Variants in IL1RAPL1 observed in about 807,000 individuals in gnomAD.
The protein encoded by IL1RAPL1 is interleukin-1 receptor accessory protein-like 1.
In IL1RAPL1, 3 loss-of-function variants were observed where a neutral mutation model predicts 48.4. The ratio of observed to expected loss-of-function variants is 0.06; its 90% confidence interval spans 0.03 to 0.16. The LOEUF (loss-of-function observed/expected upper bound fraction) is 0.16, where lower values mean the gene tolerates loss of function less well. Ranked by LOEUF, IL1RAPL1 falls within the 10% of genes least tolerant of loss-of-function variation. IL1RAPL1 has a pLI of 1.00. For missense variants in IL1RAPL1, 349 were observed against 530.6 expected (o/e 0.66, Z 3.36); for synonymous variants, 185 against 187.7 (o/e 0.99, Z 0.12).
At chrX:28,822,993 G>C (rs1936953476) in intron 2 of IL1RAPL1, among the ~76,000 whole-genome samples, 1 of 111,397 alleles carries the variant, frequency 9.0e-6, no homozygotes, top group African/African-American at 3.3e-5. Context: ...GAGTTTCCCA[G>C]AATTCCATAG....
intron 1 of IL1RAPL1, among the ~76,000 whole-genome samples, chrX:28,771,184 A>G (rs1382369617): frequency 8.9e-6 from 1 of 111,750 alleles, no homozygotes; most frequent in Non-Finnish European, 1.9e-5. Context: ...TGAGAGGCCA[A>G]TAGAAGTTTC....
intron 2 of IL1RAPL1, among the ~76,000 whole-genome samples, chrX:29,006,647 A>ATATGTGTG (rs1274128284): frequency 1.6e-3 from 125 of 76,919 alleles, no homozygotes; most frequent in Middle Eastern, 0.013. Flanking sequence ...GTTTATATAT[A>ATATGTGTG]TGTGTGTGTG....
chrX:29,155,648 C>T (rs1303719437), intron 2 of IL1RAPL1, among the ~76,000 whole-genome samples: 1 of 111,858 alleles, frequency 8.9e-6, no homozygotes, highest in Non-Finnish European at 1.9e-5. Flanking sequence ...GGATAGAACT[C>T]TCTCTCACTG....
At chrX:29,935,069 T>C (rs1331167858) in intron 8 of IL1RAPL1, among the ~76,000 whole-genome samples, 4 of 111,074 alleles carry the variant, frequency 3.6e-5, no homozygotes, top group African/African-American at 1.3e-4. Context: ...TGTCCCTCAG[T>C]TTGGATTGGC....
At chrX:29,320,472 G>A (rs1932796161) in intron 3 of IL1RAPL1, among the ~76,000 whole-genome samples, 2 of 111,913 alleles carry the variant, frequency 1.8e-5, no homozygotes, top group Non-Finnish European at 3.8e-5. Flanking sequence ...TTCCAAAATA[G>A]TGTTATAAGA....
At position 28,948,159 on chromosome X, in the gene IL1RAPL1, CCTT is replaced by C. The variant is rs200776802; in HGVS notation, c.82+158739_82+158741del. Reference sequence around the variant, plus strand: ...GAAGACAGCTGTAGAATTCATAATGCCTTCTTCAGTTCAAAAAATGAAAAATTT... The same window carrying C: ...GAAGACAGCTGTAGAATTCATAATGCCTTCAGTTCAAAAAATGAAAAATTT... On this transcript the variant is annotated intron_variant, in intron 2 of 10. Coordinates refer to ENST00000378993, the MANE Select transcript of IL1RAPL1 (RefSeq NM_014271.4). Among the ~76,000 whole-genome samples, 829 of 111,305 alleles carry C rather than the reference CCTT, an allele frequency of 7.4e-3. 7 individuals carry two copies. Among genetic ancestry groups the C allele is most frequent in the African/African-American group, 0.025 (754 of 30,717 alleles).
intron 6 of IL1RAPL1, among the ~76,000 whole-genome samples, chrX:29,853,043 T>G (rs1225299347): frequency 2.7e-5 from 3 of 110,674 alleles, no homozygotes; most frequent in African/African-American, 9.9e-5. Context: ...GATAAGAAAC[T>G]GTTTCATGCA....
At chrX:29,006,645 A>ATGTGTG (rs1399219653) in intron 2 of IL1RAPL1, among the ~76,000 whole-genome samples, 50 of 80,060 alleles carry the variant, frequency 6.2e-4, no homozygotes, top group African/African-American at 2.0e-3. Context: ...GTGTTTATAT[A>ATGTGTG]TATGTGTGTG....
At chrX:29,658,794 A>G (rs999666723) in intron 5 of IL1RAPL1, among the ~76,000 whole-genome samples, 13 of 111,897 alleles carry the variant, frequency 1.2e-4, no homozygotes, top group African/African-American at 4.2e-4. Context: ...CCTCATCTCA[A>G]ATATTTACCA....
intron 5 of IL1RAPL1, among the ~76,000 whole-genome samples, chrX:29,539,611 C>A (rs749371322): frequency 5.2e-4 from 58 of 110,772 alleles, no homozygotes; most frequent in Non-Finnish European, 1.0e-3. Context: ...TGGTTTAGCA[C>A]CGTCCCCCCT....
At chrX:29,284,213 T>A (rs1008059443) in intron 3 of IL1RAPL1, among the ~76,000 whole-genome samples, 1 of 112,041 alleles carries the variant, frequency 8.9e-6, no homozygotes, top group Non-Finnish European at 1.9e-5. Flanking sequence ...CTAACACTCC[T>A]CTGTCATAAA....
At chrX:29,865,794 G>A (rs757591311) in intron 6 of IL1RAPL1, among the ~76,000 whole-genome samples, 1 of 101,617 alleles carries the variant, frequency 9.8e-6, no homozygotes, top group African/African-American at 3.7e-5. Context: ...ACGCCACCAC[G>A]CCTGGCTAAT....
chrX:29,698,628 CAGAA>C (rs2147114587), intron 6 of IL1RAPL1, among the ~76,000 whole-genome samples: 1 of 110,986 alleles, frequency 9.0e-6, no homozygotes, highest in South Asian at 3.8e-4. Context: ...GAAGGAAAGA[CAGAA>C]GGAAGGAAGT....
chrX:29,377,351 A>G (rs761698798), intron 3 of IL1RAPL1, among the ~76,000 whole-genome samples: 3 of 111,654 alleles, frequency 2.7e-5, no homozygotes, highest in Non-Finnish European at 3.8e-5. Flanking sequence ...CATGTAGCCT[A>G]TTTACATTCG....
chrX:29,485,352 G>A (rs1437670893), intron 5 of IL1RAPL1, among the ~76,000 whole-genome samples: 1 of 112,067 alleles, frequency 8.9e-6, no homozygotes, highest in Non-Finnish European at 1.9e-5. Flanking sequence ...CTTGCTGAGT[G>A]GAAAATAATA....
At chrX:28,737,768 G>T (rs1391699269) in intron 1 of IL1RAPL1, among the ~76,000 whole-genome samples, 3 of 111,621 alleles carry the variant, frequency 2.7e-5, no homozygotes, top group African/African-American at 6.5e-5. Context: ...AACAAATATG[G>T]AATATTAAAC....
At chrX:29,400,820 A>G (rs1480138174) in intron 5 of IL1RAPL1, among the ~76,000 whole-genome samples, 1 of 112,089 alleles carries the variant, frequency 8.9e-6, no homozygotes, top group Non-Finnish European at 1.9e-5. Context: ...TGGTTTTTCA[A>G]CCAGTAGTAT....
At chrX:29,540,924 G>C (rs1420461776) in intron 5 of IL1RAPL1, among the ~76,000 whole-genome samples, 1 of 111,860 alleles carries the variant, frequency 8.9e-6, no homozygotes, top group Non-Finnish European at 1.9e-5. Context: ...AACAAAAATT[G>C]ACAAGTGGGA....
chrX:28,868,655 C>A (rs963686688), intron 2 of IL1RAPL1, among the ~76,000 whole-genome samples: 2 of 111,461 alleles, frequency 1.8e-5, no homozygotes, highest in Admixed American at 1.9e-4. Context: ...CTGCATACCG[C>A]CCACTTGCAC....
Sources: allele counts gnomAD v4.1 joint callset (sites outside exome capture counted in the v4.1 genomes callset), GRCh38; gene constraint gnomAD v4.1.1; transcripts MANE v1.5; gene names NCBI Gene and HGNC (gene_info 2026-07-23, HGNC 2026-07-21).